The following HTR1E variants were observed in gnomAD, a reference collection of about 807,000 sequenced individuals.
HTR1E encodes 5-hydroxytryptamine receptor 1E.
HTR1E carries 3 observed loss-of-function variants against 3.4 expected under a neutral mutation model. The observed-to-expected ratio is 0.89, with a 90% confidence interval of 0.41 to 2.31. HTR1E has a LOEUF of 2.31. Among genes scored for constraint, HTR1E ranks in the 30% most tolerant of loss-of-function variants. HTR1E has a pLI of 0.05. For missense variants in HTR1E, 392 were observed against 467.0 expected, an observed-to-expected ratio of 0.84 and a Z score of 1.48; for synonymous variants, 170 against 182.8, an observed-to-expected ratio of 0.93 and a Z score of 0.56.
intron 1 of HTR1E, among the ~76,000 whole-genome samples, chr6:86,963,766 T>C (rs1312803844): frequency 6.6e-6 from 1 of 152,218 alleles, no homozygotes; most frequent in African/African-American, 2.4e-5. Flanking sequence ...CTATATCACA[T>C]GGTCTAGGTA....
At chr6:86,986,442 AG>A (rs1345636123) in intron 1 of HTR1E, among the ~76,000 whole-genome samples, 1 of 152,218 alleles carries the variant, frequency 6.6e-6, no homozygotes, top group East Asian at 1.9e-4. Flanking sequence ...ACAGTTTTCA[AG>A]ACATTTGAAG....
chr6:86,981,896 G>C (rs1218599524), intron 1 of HTR1E, among the ~76,000 whole-genome samples: 3 of 152,152 alleles, frequency 2.0e-5, no homozygotes, highest in Non-Finnish European at 4.4e-5. Context: ...AGCAACTCTG[G>C]CCAGACATAT....
intron 1 of HTR1E, among the ~76,000 whole-genome samples, chr6:86,945,643 T>G (rs183706065): frequency 1.2e-4 from 19 of 152,334 alleles, no homozygotes; most frequent in Non-Finnish European, 2.6e-4. Context: ...TGTATAGCTA[T>G]ACAATGTGTT....
chr6:87,010,324 C>A (rs1289423029), intron 1 of HTR1E, among the ~76,000 whole-genome samples: 2 of 109,288 alleles, frequency 1.8e-5, no homozygotes, highest in Non-Finnish European at 3.6e-5. Context: ...GCTGACCCCC[C>A]CCACCTCCCT....
chr6:86,992,605 T>C (rs1371160180), intron 1 of HTR1E, among the ~76,000 whole-genome samples: 1 of 152,206 alleles, frequency 6.6e-6, no homozygotes, highest in African/African-American at 2.4e-5. Flanking sequence ...GAGTTCAATA[T>C]GTAGATAACA....
intron 1 of HTR1E, among the ~76,000 whole-genome samples, chr6:86,965,557 A>G (rs1767461195): frequency 1.3e-5 from 2 of 152,164 alleles, no homozygotes; most frequent in Non-Finnish European, 2.9e-5. Context: ...TCTAATGTGC[A>G]GTCAGGGCTG....
intron 1 of HTR1E, among the ~76,000 whole-genome samples, chr6:86,962,382 A>G (rs775124783): frequency 2.0e-5 from 3 of 152,234 alleles, no homozygotes; most frequent in Non-Finnish European, 4.4e-5. Flanking sequence ...ACACCACATA[A>G]TAATGTTTTG....
At chr6:86,949,606 C>G (rs1767195667) in intron 1 of HTR1E, among the ~76,000 whole-genome samples, 1 of 152,004 alleles carries the variant, frequency 6.6e-6, no homozygotes, top group South Asian at 2.1e-4. Context: ...TGAGGTAGAC[C>G]AGGAGGCCAG....
chr6:86,939,359 G>A (rs1768514993), intron 1 of HTR1E, among the ~76,000 whole-genome samples: 1 of 152,156 alleles, frequency 6.6e-6, no homozygotes, highest in Non-Finnish European at 1.5e-5. Context: ...TAACTATTTT[G>A]CTGCATAGAG....
intron 1 of HTR1E, among the ~76,000 whole-genome samples, chr6:87,010,620 T>C (rs1388714692): frequency 4.3e-5 from 6 of 139,004 alleles, no homozygotes; most frequent in African/African-American, 1.6e-4. Flanking sequence ...CCTCACTTCC[T>C]AGATGGGATG....
intron 1 of HTR1E, among the ~76,000 whole-genome samples, chr6:86,979,899 T>C (rs374855881): frequency 1.3e-3 from 195 of 152,202 alleles, no homozygotes; most frequent in African/African-American, 4.5e-3. Context: ...ACAGGAGCTA[T>C]GATCATAGGT....
At chr6:86,981,644 T>C (rs1372498683) in intron 1 of HTR1E, among the ~76,000 whole-genome samples, 1 of 152,216 alleles carries the variant, frequency 6.6e-6, no homozygotes, top group Non-Finnish European at 1.5e-5. Flanking sequence ...CACATGGGTA[T>C]TTGTACAACA....
intron 1 of HTR1E, among the ~76,000 whole-genome samples, chr6:86,997,641 G>T (rs1308311195): frequency 6.6e-6 from 1 of 151,712 alleles, no homozygotes; most frequent in African/African-American, 2.4e-5. Context: ...CATAACATAT[G>T]CAGGACTTGT....
intron 1 of HTR1E, among the ~76,000 whole-genome samples, chr6:86,993,315 T>C (rs549785176): frequency 6.6e-6 from 1 of 152,110 alleles, no homozygotes; most frequent in East Asian, 1.9e-4. Flanking sequence ...TGCAAGCTCC[T>C]GCCTGGAGAA....
chr6:86,995,693 A>AAAAAAAAAG (rs1767931393), intron 1 of HTR1E, among the ~76,000 whole-genome samples: 1 of 124,764 alleles, frequency 8.0e-6, no homozygotes, highest in African/African-American at 2.9e-5. Context: ...AAAAAGAAAA[A>AAAAAAAAAG]AAAAAAAAAA....
chr6:86,968,812 G>C (rs561164410), intron 1 of HTR1E, among the ~76,000 whole-genome samples: 1 of 151,908 alleles, frequency 6.6e-6, no homozygotes, highest in Admixed American at 6.5e-5. Flanking sequence ...ATAACTTAGT[G>C]TATTAATCAA....
intron 1 of HTR1E, among the ~76,000 whole-genome samples, chr6:86,949,919 T>C (rs575408458): frequency 6.6e-6 from 1 of 152,250 alleles, no homozygotes; most frequent in African/African-American, 2.4e-5. Context: ...AGGCTCCCGT[T>C]ACCTAACCAA....
chr6:86,958,937 C>CGTGTGTGT lies in HTR1E; in HGVS notation c.-186+21153_-186+21160dup, dbSNP rs55871033. Among the ~76,000 whole-genome samples, 304 of 140,070 alleles carry CGTGTGTGT rather than the reference C, an allele frequency of 2.2e-3. 1 individual carries two copies. The highest frequency in any genetic ancestry group is 4.0e-3 in the African/African-American group (153 of 37,874). 91.9% of individuals were successfully genotyped at this position (140,070 alleles called of 152,430 possible). On this transcript the variant is annotated intron_variant, in intron 1 of 1. Transcript: ENST00000305344. The stretch of plus-strand genomic sequence containing the variant: ...CTCCAGAGAAACAGAACCAATTGCA[C>CGTGTGTGT]GTGTGTGTGTGTGTGTGTGTGTGTG...
At position 86,959,397 on chromosome 6, in the gene HTR1E, G is replaced by A. The variant is rs187750752; in HGVS notation, c.-186+21574G>A. Among the ~76,000 whole-genome samples, 42 of 152,176 alleles carry A rather than the reference G, an allele frequency of 2.8e-4. No homozygotes were observed. In the East Asian group the frequency reaches 7.0e-3, roughly 25 times the overall value. On this transcript the variant is annotated intron_variant, in intron 1 of 1. Transcript: ENST00000305344. The stretch of plus-strand genomic sequence containing the variant: ...AGTTCGAGACCAGCCTGGGCAACAT[G>A]ATGAAACCCTGTCTCTACAAAAAAA...
Sources: allele counts gnomAD v4.1 joint callset (sites outside exome capture counted in the v4.1 genomes callset), GRCh38; gene constraint gnomAD v4.1.1; transcripts MANE v1.5; gene names NCBI Gene and HGNC (gene_info 2026-07-23, HGNC 2026-07-21).